Variants in DLG3 observed in about 807,000 individuals in gnomAD.
The protein encoded by DLG3 is disks large homolog 3.
Under a neutral mutation model 64.1 loss-of-function variants are expected in DLG3, and 1 was observed. That is an observed-to-expected ratio of 0.02 (90% CI 0.01 to 0.07). DLG3 has a LOEUF of 0.07. Among genes scored for constraint, DLG3 ranks in the 10% least tolerant of loss-of-function variants. DLG3 has a pLI of 1.00. For synonymous variants in DLG3, 245 were observed against 259.8 expected (o/e 0.94, Z 0.55); for missense variants, 429 against 669.5 (o/e 0.64, Z 3.96).
chrX:70,469,884 T>A (rs760188984), intron 9 of DLG3, among the ~76,000 whole-genome samples: 1 of 112,339 alleles, frequency 8.9e-6, no homozygotes, highest in African/African-American at 3.2e-5. Flanking sequence ...CCACCAGAGT[T>A]CTGTTATTTT....
chrX:70,453,771 G>A lies in DLG3; in HGVS notation c.1280G>A (p.Arg427His), dbSNP rs775293712. ...GGPADLSGEL[R>H]RGDRILSVNG... ...CCAGCTGACCTGAGTGGGGAGCTGC[G>A]CAGGGGAGACCGGATCTTATCGGTG... Residue 427 changes from arginine to histidine, a missense_variant, in exon 8 of 19, where the codon CGC (arginine) becomes CAC (histidine). Around this residue, in one of 9 missense-constraint regions of DLG3, gnomAD observed 46 missense variants for 52.3 expected, o/e 0.88. Coordinates refer to ENST00000374360, the MANE Select transcript of DLG3 (RefSeq NM_021120.4). 3.5e-5 allele frequency: 42 copies of A among 1,199,848 alleles called. No individual in the cohort carries two copies. In the East Asian group the frequency reaches 9.5e-4, roughly 27 times the overall value.
chrX:70,446,454 G>A (rs1420535345), intron 1 of DLG3, among the ~76,000 whole-genome samples: 1 of 111,642 alleles, frequency 9.0e-6, no homozygotes, highest in African/African-American at 3.3e-5. Flanking sequence ...AGATTTGAAG[G>A]AACTGAAGCA....
chrX:70,501,648 A>T (rs1253903018), intron 18 of DLG3, among the ~76,000 whole-genome samples: 1 of 111,075 alleles, frequency 9.0e-6, no homozygotes. Flanking sequence ...ATCAGCATCC[A>T]TGTCCTTGTT....
chrX:70,492,374 G>A (rs1569292573), intron 11 of DLG3, 91 bp downstream of exon 11: 5 of 1,135,878 alleles, frequency 4.4e-6, no homozygotes, highest in South Asian at 3.7e-5. Context: ...TGAGAGCAAC[G>A]TTTGTGCCTT....
chrX:70,469,100 C>T (rs2086929302), intron 9 of DLG3, among the ~76,000 whole-genome samples: 2 of 109,666 alleles, frequency 1.8e-5, no homozygotes, highest in South Asian at 8.0e-4. Context: ...AGCCTTGAAC[C>T]CCTGGGCTCA....
At chrX:70,499,135 T>C in intron 14 of DLG3, 41 bp from the exon 15 acceptor site, 1 of 1,020,453 alleles carries the variant, frequency 9.8e-7, no homozygotes, top group Non-Finnish European at 1.4e-6. Flanking sequence ...GGCTGTCTGG[T>C]GGGGGCCTCT....
chrX:70,493,638 C>G (rs1240558445), intron 12 of DLG3, among the ~76,000 whole-genome samples: 1 of 112,599 alleles, frequency 8.9e-6, no homozygotes, highest in Non-Finnish European at 1.9e-5. Flanking sequence ...AGAAACTGGT[C>G]TGCCTAAGGA....
At chrX:70,454,349 G>A (rs754183509) in intron 9 of DLG3, 33 bp downstream of exon 9, 2 of 1,139,362 alleles carry the variant, frequency 1.8e-6, no homozygotes, top group East Asian at 3.0e-5. Flanking sequence ...GAGATGATGT[G>A]GGGGAGTTAG....
chrX:70,455,527 T>C (rs1272623209), intron 9 of DLG3, among the ~76,000 whole-genome samples: 3 of 108,511 alleles, frequency 2.8e-5, no homozygotes, highest in Non-Finnish European at 5.8e-5. Context: ...CAGCGAGCTG[T>C]GCCCCCTTCT....
At chrX:70,468,359 G>A (rs1306255442) in intron 9 of DLG3, among the ~76,000 whole-genome samples, 1 of 111,697 alleles carries the variant, frequency 9.0e-6, no homozygotes, top group Non-Finnish European at 1.9e-5. Flanking sequence ...AGTGAGCCAC[G>A]CGGCACCTGG....
At position 70,455,122 on chromosome X, in the gene DLG3, C is replaced by T. The variant is rs538587842; in HGVS notation, c.1405+806C>T. ...CCATCGCGCGCCTCAGGCGTCTCCT[C>T]CTCCTCCCTCCTTCCCCCTCCTCTC... On this transcript the variant is annotated intron_variant, in intron 9 of 18. Transcript: ENST00000374360. 3.8e-5 allele frequency: 28 copies of T among 728,648 alleles called. No individual in the cohort carries two copies. The South Asian group carries it at 1.4e-3, about 37-fold the overall frequency. The allele number at this position is 728,648 out of a possible 1,213,427, so 60.0% of individuals were successfully genotyped here.
chrX:70,466,247 TTG>T (rs61083333), intron 9 of DLG3, among the ~76,000 whole-genome samples: 7,262 of 84,228 alleles, frequency 0.086, 307 homozygotes, highest in East Asian at 0.17. Flanking sequence ...TCTTGGTCAT[TTG>T]TGTGTGTGTG....
At chrX:70,466,035 G>GT (rs2086878951) in intron 9 of DLG3, among the ~76,000 whole-genome samples, 1 of 111,278 alleles carries the variant, frequency 9.0e-6, no homozygotes, top group Non-Finnish European at 1.9e-5. Context: ...CATACTTAAG[G>GT]TTTTTGATGT....
At chrX:70,448,633 G>C in intron 1 of DLG3, 2 of 1,163,510 alleles carry the variant, frequency 1.7e-6, no homozygotes, top group Non-Finnish European at 1.1e-6. Context: ...ACAGCCTCTC[G>C]GTGAGTGCAC....
At chrX:70,461,949 A>G (rs1358571832) in intron 9 of DLG3, among the ~76,000 whole-genome samples, 1 of 110,849 alleles carries the variant, frequency 9.0e-6, no homozygotes, top group African/African-American at 3.3e-5. Flanking sequence ...CAATTTTTAG[A>G]ATTTTTAGAG....
intron 9 of DLG3, among the ~76,000 whole-genome samples, chrX:70,476,197 A>G (rs2087051678): frequency 8.9e-6 from 1 of 112,152 alleles, no homozygotes. Context: ...AAAGAGGGCG[A>G]TGACTGGATA....
intron 12 of DLG3, 143 bp downstream of exon 12, chrX:70,492,739 A>C (rs2087381286): frequency 1.8e-6 from 1 of 564,747 alleles, no homozygotes; most frequent in Non-Finnish European, 3.0e-6. Context: ...CAGAACATTG[A>C]CTGCTTTTCA....
At chrX:70,465,936 G>GAT (rs2086876959) in intron 9 of DLG3, among the ~76,000 whole-genome samples, 1 of 111,540 alleles carries the variant, frequency 9.0e-6, no homozygotes, top group Non-Finnish European at 1.9e-5. Flanking sequence ...CATTCTGATT[G>GAT]ATACCCTTGT....
In DLG3 at chrX:70,502,497, T is replaced by C. The variant is rs2087583781; in HGVS notation, c.*228T>C. The C allele has an allele frequency of 2.8e-6, 1 of 357,024 alleles. No homozygotes were observed. The highest frequency in any genetic ancestry group is 4.9e-6 in the Non-Finnish European group (1 of 202,141). The allele number at this position is 357,024 out of a possible 1,213,427, so 29.4% of individuals were successfully genotyped here. A position where few individuals can be genotyped will look rare whatever the true frequency, so the allele number is the denominator to read the frequency against. ...GATGCCATCTCATTCATCATGTGAC[T>C]GTGCCCATTCCTGCATGGACCTTTC... is the stretch of plus-strand genomic sequence containing the variant. On this transcript the variant is annotated 3_prime_UTR_variant, in exon 19 of 19. Coordinates refer to ENST00000374360, the MANE Select transcript of DLG3 (RefSeq NM_021120.4).
Sources: gnomAD v4.1 joint callset for allele counts (sites outside exome capture counted in the v4.1 genomes callset) on GRCh38, gnomAD v4.1.1 for gene constraint, gnomAD v4.1.1 regional missense constraint, MANE v1.5 for transcripts, NCBI Gene and HGNC (gene_info 2026-07-23, HGNC 2026-07-21) for gene names.